Variants in GPRC6A observed in about 807,000 individuals in gnomAD.
GPRC6A encodes G protein-coupled receptor class C group 6 member A, also known as G protein-coupled receptor family C group 6 member A.
In GPRC6A, 54 loss-of-function variants were observed where a neutral mutation model predicts 47.0. The ratio of observed to expected loss-of-function variants is 1.15; its 90% confidence interval spans 0.92 to 1.44. GPRC6A has a LOEUF of 1.44. GPRC6A is among the 40% of genes most tolerant of loss of function. GPRC6A has a pLI of 0.00. For synonymous variants in GPRC6A, 347 were observed against 377.1 expected, an observed-to-expected ratio of 0.92 and a Z score of 0.93; for missense variants, 1,112 against 1,105.5, an observed-to-expected ratio of 1.01 and a Z score of -0.08.
chr6:116,801,373 C>A (rs1293928361), intron 3 of GPRC6A, among the ~76,000 whole-genome samples: 1 of 152,110 alleles, frequency 6.6e-6, no homozygotes, highest in Non-Finnish European at 1.5e-5. Context: ...ATTTTGTTTA[C>A]AAATGGGATA....
chr6:116,799,097 A>G (rs1400265223), intron 4 of GPRC6A, among the ~76,000 whole-genome samples: 1 of 152,138 alleles, frequency 6.6e-6, no homozygotes, highest in African/African-American at 2.4e-5. Context: ...CTCATGAGCA[A>G]CTAGGAGAAG....
chr6:116,825,969 C>T (rs1359477512), intron 1 of GPRC6A, among the ~76,000 whole-genome samples: 1 of 151,794 alleles, frequency 6.6e-6, no homozygotes, highest in Non-Finnish European at 1.5e-5. Context: ...ATAAATCGTA[C>T]AGGGAAAATT....
intron 1 of GPRC6A, among the ~76,000 whole-genome samples, chr6:116,813,788 T>G (rs370344880): frequency 6.6e-6 from 1 of 152,132 alleles, no homozygotes; most frequent in Non-Finnish European, 1.5e-5. Context: ...AGCTTCTGCA[T>G]GGCAAAAGAA....
At chr6:116,820,074 C>T (rs1046400576) in intron 1 of GPRC6A, among the ~76,000 whole-genome samples, 4 of 112,604 alleles carry the variant, frequency 3.6e-5, no homozygotes, top group African/African-American at 1.5e-4. Context: ...GAGAATACTA[C>T]AAACACCTCA....
chr6:116,814,724 C>T (rs1249395268), intron 1 of GPRC6A, among the ~76,000 whole-genome samples: 1 of 151,314 alleles, frequency 6.6e-6, no homozygotes, highest in African/African-American at 2.4e-5. Context: ...GCAAGTTGTG[C>T]ACATGTACCC....
Position 116,792,509 on chromosome 6 carries a change from G to C in GPRC6A, c.2414C>G (p.Thr805Arg). The C allele has an allele frequency of 1.9e-6, 3 of 1,613,854 alleles. No homozygotes were observed. Among genetic ancestry groups the C allele is most frequent in the African/African-American group, 1.3e-5 (1 of 75,050 alleles). ...WITFIPIYAT[T>R]FGKYVPAVEI... Reference sequence around the variant, plus strand: ...CACAGCTGGTACATATTTGCCAAATGTGGTAGCATAGATAGGGATGAATGT... The same window carrying C: ...CACAGCTGGTACATATTTGCCAAATCTGGTAGCATAGATAGGGATGAATGT... Residue 805 changes from threonine to arginine, a missense_variant, in exon 6 of 6, where the codon ACA becomes AGA. Physicochemically the swap from Thr to Arg is moderately conservative, Grantham distance 71 (BLOSUM62 -1). Coordinates refer to ENST00000310357, the MANE Select transcript of GPRC6A (RefSeq NM_148963.4).
At chr6:116,828,635 T>C (rs17078402) in intron 1 of GPRC6A, among the ~76,000 whole-genome samples, 185 bp downstream of exon 1, 3,966 of 152,218 alleles carry the variant, frequency 0.026, 148 homozygotes, top group African/African-American at 0.091. Context: ...GGTTGTTTCA[T>C]TATACATAGA....
Position 116,792,299 on chromosome 6 carries a change from C to T in GPRC6A, c.2624G>A (p.Ser875Asn), listed in dbSNP as rs760685870. The T allele has an allele frequency of 1.9e-6, 3 of 1,614,002 alleles. No homozygotes were observed. The highest frequency in any genetic ancestry group is 1.3e-5 in the African/African-American group (1 of 75,014). Residue 875 changes from serine to asparagine, a missense_variant, in exon 6 of 6, where the codon AGC (serine) becomes AAC (asparagine). By Grantham distance (46) the Ser-to-Asn change is conservative. Transcript: ENST00000310357. ...ALSPASLDSM[S>N]GNVTMTNPSS... ...GGGATTGGTCATTGTGACATTGCCGCTCATGGAGTCCAGTGAAGCAGGACT... is the reference window on the plus strand; with the variant it reads ...GGGATTGGTCATTGTGACATTGCCGTTCATGGAGTCCAGTGAAGCAGGACT...
chr6:116,803,494 T>G (rs1310793551), intron 3 of GPRC6A, among the ~76,000 whole-genome samples: 1 of 152,124 alleles, frequency 6.6e-6, no homozygotes, highest in Non-Finnish European at 1.5e-5. Flanking sequence ...TCTGGGACAT[T>G]GTTAAAAATG....
At chr6:116,826,709 A>C (rs912997257) in intron 1 of GPRC6A, among the ~76,000 whole-genome samples, 1 of 151,916 alleles carries the variant, frequency 6.6e-6, no homozygotes, top group South Asian at 2.1e-4. Flanking sequence ...TATCTATTCA[A>C]AGAAAAGGAA....
intron 4 of GPRC6A, among the ~76,000 whole-genome samples, chr6:116,797,078 C>T (rs1389818008): frequency 2.6e-5 from 4 of 151,786 alleles, no homozygotes; most frequent in African/African-American, 9.7e-5. Context: ...GTTCCCCTTC[C>T]TGTGTCCATG....
At chr6:116,813,860 C>T (rs1215111892) in intron 1 of GPRC6A, among the ~76,000 whole-genome samples, 5 of 152,120 alleles carry the variant, frequency 3.3e-5, no homozygotes, top group African/African-American at 9.7e-5. Context: ...ATCTACCCAC[C>T]TGAGAAAGGG....
chr6:116,801,512 A>G (rs944027706), intron 3 of GPRC6A, among the ~76,000 whole-genome samples: 5 of 152,176 alleles, frequency 3.3e-5, no homozygotes, highest in Non-Finnish European at 1.5e-5. Flanking sequence ...GAATGCTTTC[A>G]TAATGGCCCA....
intron 1 of GPRC6A, among the ~76,000 whole-genome samples, chr6:116,827,412 T>G (rs985899690): frequency 6.6e-6 from 1 of 151,970 alleles, no homozygotes; most frequent in Non-Finnish European, 1.5e-5. Context: ...TGTATAATAT[T>G]TTCGGAGTCC....
chr6:116,800,515 G>T, intron 4 of GPRC6A, 69 bp downstream of exon 4: 1 of 945,650 alleles, frequency 1.1e-6, no homozygotes, highest in Non-Finnish European at 1.7e-6. Context: ...GAAGAGTGGG[G>T]GCCAAGGACT....
At chr6:116,823,104 T>C (rs993258677) in intron 1 of GPRC6A, among the ~76,000 whole-genome samples, 1 of 152,022 alleles carries the variant, frequency 6.6e-6, no homozygotes, top group Non-Finnish European at 1.5e-5. Context: ...TGTTTGTTTG[T>C]TTTTTGTTTT....
At chr6:116,817,861 C>A (rs1773283888) in intron 1 of GPRC6A, among the ~76,000 whole-genome samples, 1 of 152,026 alleles carries the variant, frequency 6.6e-6, no homozygotes, top group African/African-American at 2.4e-5. Flanking sequence ...AGCAAAGCCT[C>A]CAAGAAATAT....
chr6:116,792,124 G>C lies in GPRC6A; in HGVS notation c.*18C>G. 6.4e-7 allele frequency: 1 copy of C among 1,574,504 alleles called. No homozygotes were observed. The highest frequency in any genetic ancestry group is 1.2e-5 in the South Asian group (1 of 85,104). ...TGGAAACATTTTATTCTGGAATGTG[G>C]CATCTCCTAAGGCTTATTCATATAC... On this transcript the variant is annotated 3_prime_UTR_variant, in exon 6 of 6. Transcript: ENST00000310357.
At chr6:116,804,936 A>G (rs1772791499) in intron 3 of GPRC6A, among the ~76,000 whole-genome samples, 1 of 151,962 alleles carries the variant, frequency 6.6e-6, no homozygotes, top group Non-Finnish European at 1.5e-5. Context: ...ATGTGGTGGT[A>G]TTATTACTGT....
Sources: gnomAD v4.1 joint callset for allele counts (sites outside exome capture counted in the v4.1 genomes callset) on GRCh38, gnomAD v4.1.1 for gene constraint, MANE v1.5 for transcripts, NCBI Gene and HGNC (gene_info 2026-07-23, HGNC 2026-07-21) for gene names.